The following TNIK variants were observed in gnomAD, a reference collection of about 807,000 sequenced individuals.
TNIK encodes the protein TRAF2 and NCK interacting kinase, also known as TRAF2 and NCK-interacting protein kinase.
A neutral mutation model predicts 191.3 loss-of-function variants in TNIK; 49 were observed. That is an observed-to-expected ratio of 0.26 (90% CI 0.20 to 0.32). The LOEUF is 0.32. Among genes scored for constraint, TNIK ranks in the 10% least tolerant of loss-of-function variants. The pLI, the probability that TNIK is intolerant of heterozygous loss-of-function variation, is 1.00. For synonymous variants in TNIK, 594 were observed against 600.9 expected, an observed-to-expected ratio of 0.99 and a Z score of 0.17; for missense variants, 1,155 against 1,702.3, an observed-to-expected ratio of 0.68 and a Z score of 5.66.
chr3:171,364,812 GA>G (rs1468768095), intron 2 of TNIK, among the ~76,000 whole-genome samples: 1 of 151,944 alleles, frequency 6.6e-6, no homozygotes, highest in Non-Finnish European at 1.5e-5. Context: ...GCTGAGACCT[GA>G]AGGAGAAGGA....
chr3:171,265,197 A>G (rs891612875), intron 2 of TNIK, among the ~76,000 whole-genome samples: 2 of 152,168 alleles, frequency 1.3e-5, no homozygotes, highest in Non-Finnish European at 2.9e-5. Context: ...TTTTCAAAAG[A>G]AAAAGCTGGC....
intron 2 of TNIK, among the ~76,000 whole-genome samples, chr3:171,272,051 A>G (rs1187066163): frequency 6.6e-6 from 1 of 152,224 alleles, no homozygotes; most frequent in Non-Finnish European, 1.5e-5. Context: ...GAAGGAGTCC[A>G]TATGATTATA....
intron 1 of TNIK, among the ~76,000 whole-genome samples, chr3:171,387,824 T>G (rs1428608571): frequency 1.3e-5 from 2 of 152,154 alleles, no homozygotes; most frequent in Non-Finnish European, 2.9e-5. Context: ...GAAACATTAG[T>G]TCTCCCCTTT....
chr3:171,167,300 T>A (rs1297323673), intron 9 of TNIK, 30 bp from the exon 10 acceptor site: 28 of 1,597,924 alleles, frequency 1.8e-5, no homozygotes, highest in Non-Finnish European at 2.4e-5. Context: ...AATCCACAGA[T>A]AAAACGGCGA....
At chr3:171,227,876 G>GT (rs1743142247) in intron 3 of TNIK, among the ~76,000 whole-genome samples, 2 of 151,996 alleles carry the variant, frequency 1.3e-5, no homozygotes, top group African/African-American at 4.8e-5. Flanking sequence ...CAACCATTCT[G>GT]TTTTTCACTT....
chr3:171,417,594 T>A (rs577170928), intron 1 of TNIK, among the ~76,000 whole-genome samples: 4 of 152,346 alleles, frequency 2.6e-5, no homozygotes, highest in Admixed American at 2.0e-4. Context: ...CCTAGCTTTT[T>A]AAATTTCCAT....
intron 2 of TNIK, among the ~76,000 whole-genome samples, chr3:171,343,075 A>G (rs554520188): frequency 7.9e-5 from 12 of 152,246 alleles, no homozygotes; most frequent in African/African-American, 2.6e-4. Context: ...TTTATAAGTT[A>G]CCCATCTTGG....
intron 2 of TNIK, among the ~76,000 whole-genome samples, chr3:171,340,680 C>T (rs1437867592): frequency 6.6e-6 from 1 of 152,234 alleles, no homozygotes; most frequent in Non-Finnish European, 1.5e-5. Flanking sequence ...ACACAGAACT[C>T]TGTGTTTAAC....
chr3:171,174,619 A>G (rs1474461551), intron 9 of TNIK, among the ~76,000 whole-genome samples: 1 of 70,576 alleles, frequency 1.4e-5, no homozygotes, highest in African/African-American at 1.2e-4. Flanking sequence ...CTATCAACAT[A>G]ATTTTTGCCG....
intron 22 of TNIK, among the ~76,000 whole-genome samples, chr3:171,100,639 G>A (rs1279730035): frequency 6.6e-6 from 1 of 150,512 alleles, no homozygotes; most frequent in Non-Finnish European, 1.5e-5. Flanking sequence ...CAAACACCTT[G>A]TGCTTACTAG....
At chr3:171,286,977 T>C (rs1751076964) in intron 2 of TNIK, among the ~76,000 whole-genome samples, 1 of 152,246 alleles carries the variant, frequency 6.6e-6, no homozygotes, top group African/African-American at 2.4e-5. Context: ...GTTGGTAAGA[T>C]GGTTTATATG....
intron 2 of TNIK, among the ~76,000 whole-genome samples, chr3:171,264,024 GTGTGTGTGTGTGTATATATA>G (rs1369937373): frequency 6.7e-6 from 1 of 148,994 alleles, no homozygotes; most frequent in Non-Finnish European, 1.5e-5. Flanking sequence ...ATATATGTAT[GTGTGTGTGTGTGTATATATA>G]TGTGTGTGTG....
At chr3:171,126,220 G>C (rs1291762411) in intron 16 of TNIK, 69 bp from the exon 17 acceptor site, 15 of 1,410,260 alleles carry the variant, frequency 1.1e-5, no homozygotes, top group Non-Finnish European at 1.4e-5. Context: ...ACCTCAGTGA[G>C]CTGAAGGAAA....
At chr3:171,327,247 G>A (rs1755871261) in intron 2 of TNIK, among the ~76,000 whole-genome samples, 1 of 152,166 alleles carries the variant, frequency 6.6e-6, no homozygotes, top group South Asian at 2.1e-4. Context: ...TGTAGTATCA[G>A]GCAGACTCAA....
rs180943014 is a variant in TNIK, at chr3:171,242,942, T to C, written c.124-14721A>G. Among the ~76,000 whole-genome samples, 593 of 152,248 alleles carry C rather than the reference T, an allele frequency of 3.9e-3. 2 individuals carry two copies. The highest frequency in any genetic ancestry group is 0.013 in the African/African-American group (552 of 41,568). On this transcript the variant is annotated intron_variant, in intron 2 of 32. Transcript: ENST00000436636. ...AGAAGAATACATTTTAGGAAACAAA[T>C]TCAGAACCCATAAAAAAATCTTTGG...
intron 2 of TNIK, among the ~76,000 whole-genome samples, chr3:171,259,345 T>G (rs1239351069): frequency 1.3e-5 from 2 of 152,152 alleles, no homozygotes; most frequent in African/African-American, 4.8e-5. Context: ...GGGATAAGAC[T>G]CAGGTTTTAG....
At chr3:171,110,623 G>T in intron 19 of TNIK, 91 bp downstream of exon 19, 1 of 1,456,174 alleles carries the variant, frequency 6.9e-7, no homozygotes, top group Non-Finnish European at 9.2e-7. Flanking sequence ...GGCCATGCCT[G>T]GACTAGAGTC....
chr3:171,331,063 T>C (rs910027227), intron 2 of TNIK, among the ~76,000 whole-genome samples: 3 of 152,228 alleles, frequency 2.0e-5, no homozygotes, highest in Non-Finnish European at 4.4e-5. Flanking sequence ...AATCCTCACA[T>C]GAAAACAAGA....
At chr3:171,345,242 GTTT>G in intron 2 of TNIK, among the ~76,000 whole-genome samples, 1 of 151,904 alleles carries the variant, frequency 6.6e-6, no homozygotes, top group Non-Finnish European at 1.5e-5. Flanking sequence ...TTCCTTTTTT[GTTT>G]GGGATTCTGG....
Sources: gnomAD v4.1 joint callset for allele counts (sites outside exome capture counted in the v4.1 genomes callset) on GRCh38, gnomAD v4.1.1 for gene constraint, MANE v1.5 for transcripts, NCBI Gene and HGNC (gene_info 2026-07-23, HGNC 2026-07-21) for gene names.